SPAG16: variants seen among roughly 807,000 people sequenced by gnomAD.
SPAG16 encodes the protein sperm associated antigen 16.
In SPAG16, 86 loss-of-function variants were observed where a neutral mutation model predicts 80.4. The ratio of observed to expected loss-of-function variants is 1.07; its 90% confidence interval spans 0.90 to 1.28. SPAG16 has a LOEUF of 1.28. Among genes scored for constraint, SPAG16 ranks in the 50% most tolerant of loss-of-function variants. SPAG16 has a pLI of 0.00. For synonymous variants in SPAG16, 294 were observed against 265.9 expected, an observed-to-expected ratio of 1.11 and a Z score of -1.03; for missense variants, 870 against 765.3, an observed-to-expected ratio of 1.14 and a Z score of -1.61.
At chr2:214,175,045 T>C (rs545884385) in intron 15 of SPAG16, among the ~76,000 whole-genome samples, 1 of 151,478 alleles carries the variant, frequency 6.6e-6, no homozygotes, top group Non-Finnish European at 1.5e-5. Flanking sequence ...TACCTGAACC[T>C]GTAAATTGTT....
At chr2:213,812,383 C>T (rs1328869358) in intron 10 of SPAG16, among the ~76,000 whole-genome samples, 1 of 152,132 alleles carries the variant, frequency 6.6e-6, no homozygotes, top group Admixed American at 6.5e-5. Context: ...TGATGCAGGT[C>T]TAAGTTAGTA....
At chr2:214,396,935 A>T (rs994820932) in intron 15 of SPAG16, among the ~76,000 whole-genome samples, 5 of 151,848 alleles carry the variant, frequency 3.3e-5, no homozygotes, top group Admixed American at 2.0e-4. Flanking sequence ...TTTTTCCTAA[A>T]AATACTGGGA....
chr2:213,896,318 A>G (rs2076987612), intron 11 of SPAG16, among the ~76,000 whole-genome samples: 1 of 152,102 alleles, frequency 6.6e-6, no homozygotes, highest in East Asian at 1.9e-4. Flanking sequence ...GATGATGCAG[A>G]GAAAAGGGAA....
chr2:213,572,128 T>C (rs1282422736), intron 10 of SPAG16, among the ~76,000 whole-genome samples: 2 of 113,016 alleles, frequency 1.8e-5, no homozygotes, highest in South Asian at 3.2e-4. Flanking sequence ...TTATTCTAGT[T>C]ATACATTCTT....
At chr2:213,379,109 C>T (rs1436505343) in intron 9 of SPAG16, among the ~76,000 whole-genome samples, 2 of 152,164 alleles carry the variant, frequency 1.3e-5, no homozygotes, top group Non-Finnish European at 1.5e-5. Flanking sequence ...TGGCAGCGTT[C>T]CTCCCTCTGG....
chr2:213,461,208 T>C (rs141003228), intron 9 of SPAG16, among the ~76,000 whole-genome samples: 12 of 152,294 alleles, frequency 7.9e-5, no homozygotes, highest in African/African-American at 2.6e-4. Flanking sequence ...AATGACACAA[T>C]TGCAATGTTC....
At chr2:214,060,985 A>G (rs769521020) in intron 13 of SPAG16, among the ~76,000 whole-genome samples, 2 of 152,208 alleles carry the variant, frequency 1.3e-5, no homozygotes, top group African/African-American at 2.4e-5. Flanking sequence ...GGGAAGTCCC[A>G]TAAGGAGTCT....
chr2:213,944,895 G>A (rs114187123), intron 12 of SPAG16, among the ~76,000 whole-genome samples: 6,521 of 152,042 alleles, frequency 0.043, 170 homozygotes, highest in South Asian at 0.11. Flanking sequence ...TAAATTAGCC[G>A]GGCGTGGGGG....
intron 15 of SPAG16, among the ~76,000 whole-genome samples, chr2:214,353,311 A>C (rs1038647453): frequency 2.0e-5 from 3 of 152,136 alleles, no homozygotes; most frequent in African/African-American, 7.2e-5. Flanking sequence ...ATCGACAGTG[A>C]TTTCCTTTTC....
At chr2:213,500,781 C>T (rs2074708061) in intron 10 of SPAG16, among the ~76,000 whole-genome samples, 2 of 152,106 alleles carry the variant, frequency 1.3e-5, no homozygotes, top group South Asian at 4.1e-4. Context: ...TTGCATTTAC[C>T]CAGAGTTCTT....
At chr2:214,301,051 TAATA>T (rs1362504360) in intron 15 of SPAG16, among the ~76,000 whole-genome samples, 2 of 147,540 alleles carry the variant, frequency 1.4e-5, no homozygotes, top group African/African-American at 4.9e-5. Context: ...ATAATAATAA[TAATA>T]ATAATAATAA....
intron 10 of SPAG16, among the ~76,000 whole-genome samples, chr2:213,614,309 T>A (rs997272404): frequency 6.6e-6 from 1 of 152,232 alleles, no homozygotes; most frequent in Admixed American, 6.5e-5. Context: ...GGGATACAAA[T>A]GGCATAATAA....
intron 15 of SPAG16, among the ~76,000 whole-genome samples, chr2:214,159,972 T>A (rs909735146): frequency 6.6e-6 from 1 of 152,012 alleles, no homozygotes; most frequent in Admixed American, 6.6e-5. Context: ...AATGTAAGCC[T>A]ACTATATGCC....
At chr2:214,055,237 A>G (rs542875125) in intron 13 of SPAG16, among the ~76,000 whole-genome samples, 9 of 152,302 alleles carry the variant, frequency 5.9e-5, no homozygotes, top group Admixed American at 5.9e-4. Flanking sequence ...AGAATTACCA[A>G]CTACATATTG....
chr2:214,307,912 C>T (rs1318949128), intron 15 of SPAG16, among the ~76,000 whole-genome samples: 1 of 152,018 alleles, frequency 6.6e-6, no homozygotes, highest in African/African-American at 2.4e-5. Context: ...TACATTTGAT[C>T]CAGTGCTGAG....
intron 9 of SPAG16, among the ~76,000 whole-genome samples, chr2:213,447,058 A>G (rs2071361438): frequency 6.6e-6 from 1 of 152,326 alleles, no homozygotes; most frequent in Admixed American, 6.5e-5. Context: ...TAAAACTTTA[A>G]TTTGGGAAGA....
intron 10 of SPAG16, among the ~76,000 whole-genome samples, chr2:213,682,379 ATG>A (rs1420134180): frequency 6.6e-6 from 1 of 152,214 alleles, no homozygotes; most frequent in Non-Finnish European, 1.5e-5. Flanking sequence ...ATACACTTTG[ATG>A]TTGATTTCTT....
chr2:214,066,317 T>C (rs541925454), intron 13 of SPAG16, among the ~76,000 whole-genome samples: 1 of 152,216 alleles, frequency 6.6e-6, no homozygotes, highest in South Asian at 2.1e-4. Flanking sequence ...TGAGGCTGAA[T>C]CTTGTTTCTA....
chr2:213,702,605 T>C (rs1004555174), intron 10 of SPAG16, among the ~76,000 whole-genome samples: 2 of 152,188 alleles, frequency 1.3e-5, no homozygotes, highest in African/African-American at 2.4e-5. Context: ...CATCTTTGTA[T>C]AGTCTTTTTA....
Sources: allele counts gnomAD v4.1 joint callset (sites outside exome capture counted in the v4.1 genomes callset), GRCh38; gene constraint gnomAD v4.1.1; transcripts MANE v1.5; gene names NCBI Gene and HGNC (gene_info 2026-07-23, HGNC 2026-07-21).